Variants in ITGB2 observed in about 807,000 individuals in gnomAD.
ITGB2 encodes integrin beta-2.
A neutral mutation model predicts 86.8 loss-of-function variants in ITGB2; 56 were observed. That is an observed-to-expected ratio of 0.65 (90% CI 0.52 to 0.81). The LOEUF is 0.81. ITGB2 is among the 30% of genes least tolerant of loss of function. ITGB2 has a pLI of 0.00. For synonymous variants in ITGB2, 457 were observed against 450.4 expected (o/e 1.01, Z -0.19); for missense variants, 948 against 1,061.2 (o/e 0.89, Z 1.48).
At chr21:44,903,246 AT>A (rs2083991594) in intron 5 of ITGB2, 118 bp downstream of exon 5, 1 of 1,280,216 alleles carries the variant, frequency 7.8e-7, no homozygotes, top group African/African-American at 1.5e-5. Flanking sequence ...GGGGACCTGC[AT>A]CTGGGGCCCC....
intron 1 of ITGB2, among the ~76,000 whole-genome samples, chr21:44,916,809 A>G (rs1442292857): frequency 1.3e-5 from 2 of 150,350 alleles, no homozygotes; most frequent in Non-Finnish European, 3.0e-5. Context: ...CAGAGGGTGC[A>G]GTGAGCTGAG....
intron 1 of ITGB2, among the ~76,000 whole-genome samples, chr21:44,926,220 T>A (rs4050931): frequency 0.33 from 50,671 of 151,958 alleles, 9,878 homozygotes; most frequent in African/African-American, 0.54. Flanking sequence ...GTGACCTTGC[T>A]ATGGGGGGAC....
At chr21:44,886,679 G>T in intron 15 of ITGB2, 57 bp downstream of exon 15, 1 of 1,606,304 alleles carries the variant, frequency 6.2e-7, no homozygotes, top group Non-Finnish European at 8.5e-7. Context: ...GCAGGAGGTC[G>T]CATAGTGTGG....
chr21:44,892,120 A>T, intron 10 of ITGB2, 124 bp from the exon 11 acceptor site: 2 of 937,568 alleles, frequency 2.1e-6, no homozygotes, highest in Non-Finnish European at 3.3e-6. Context: ...GGAAGGGGTG[A>T]CCAGGAGCAG....
At chr21:44,920,398 G>T (rs150977713) in intron 1 of ITGB2, among the ~76,000 whole-genome samples, 1 of 152,178 alleles carries the variant, frequency 6.6e-6, no homozygotes, top group African/African-American at 2.4e-5. Context: ...GTAGCCAGGC[G>T]GGGCAGCATG....
At chr21:44,894,871 C>T in intron 9 of ITGB2, 100 bp downstream of exon 9, 1 of 893,938 alleles carries the variant, frequency 1.1e-6, no homozygotes, top group East Asian at 2.4e-5. Context: ...GGGCTTTCCT[C>T]CCAGACCACC....
intron 4 of ITGB2, 122 bp from the exon 5 acceptor site, chr21:44,903,657 A>C (rs1390686079): frequency 3.5e-6 from 4 of 1,131,606 alleles, no homozygotes; most frequent in Non-Finnish European, 5.2e-6. Context: ...AATCCTCCTG[A>C]CCTCCCCTCT....
chr21:44,896,483 C>T (rs185188946), intron 8 of ITGB2, among the ~76,000 whole-genome samples: 26 of 152,344 alleles, frequency 1.7e-4, no homozygotes, highest in African/African-American at 5.8e-4. Context: ...TCCAGGAACA[C>T]GGAGCAGATG....
rs1038588790 is a variant in ITGB2, at chr21:44,903,543, T to G, written c.329-8A>C. ...TGAACGCTGCTGCCTGGCCTGCCGG[T>G]GGGGACAGAACAAAAGGAGCCACAC... On this transcript the variant is annotated splice_region_variant and splice_polypyrimidine_tract_variant and intron_variant, in intron 4 of 15. Coordinates refer to ENST00000652462, the MANE Select transcript of ITGB2 (RefSeq NM_000211.5). 3.1e-6 allele frequency: 5 copies of G among 1,613,600 alleles called. No homozygotes were observed. The Admixed American group carries it at 5.0e-5, about 16-fold the overall frequency.
Position 44,918,012 on chromosome 21 carries a change from G to A in ITGB2, c.-4+2809C>T, listed in dbSNP as rs140887415. Among the ~76,000 whole-genome samples, 632 of 152,334 alleles carry A rather than the reference G, an allele frequency of 4.1e-3. 2 individuals carry two copies. The highest frequency in any genetic ancestry group is 0.014 in the African/African-American group (597 of 41,574). On this transcript the variant is annotated intron_variant, in intron 1 of 15. Coordinates refer to ENST00000652462, the MANE Select transcript of ITGB2 (RefSeq NM_000211.5). Reference sequence around the variant, plus strand: ...AATGCAACCACCTAATCAATGCCCCGTGTCAGTGCCAGTTTGTGCCAAGCA... The same window carrying A: ...AATGCAACCACCTAATCAATGCCCCATGTCAGTGCCAGTTTGTGCCAAGCA...
At chr21:44,902,344 T>C (rs972852672) in intron 5 of ITGB2, among the ~76,000 whole-genome samples, 2 of 150,302 alleles carry the variant, frequency 1.3e-5, no homozygotes, top group African/African-American at 2.5e-5. Flanking sequence ...CATGCATTCA[T>C]GTGTGTGAGC....
chr21:44,899,470 G>A (rs190163618), intron 7 of ITGB2, among the ~76,000 whole-genome samples: 16 of 152,342 alleles, frequency 1.1e-4, no homozygotes, highest in African/African-American at 3.6e-4. Flanking sequence ...ACCTGCTTTC[G>A]CACTGAGGGA....
At chr21:44,893,593 TG>T in intron 9 of ITGB2, 49 bp from the exon 10 acceptor site, 1 of 1,608,766 alleles carries the variant, frequency 6.2e-7, no homozygotes. Flanking sequence ...TCTGTTGTCC[TG>T]GCCCTGCCTG....
upstream of ITGB2, among the ~76,000 whole-genome samples, chr21:44,922,633 A>G (rs1386703139): frequency 1.4e-5 from 2 of 146,630 alleles, no homozygotes; most frequent in Non-Finnish European, 3.0e-5. Flanking sequence ...TGCTTACACC[A>G]CTGCACTCCA....
intron 1 of ITGB2, among the ~76,000 whole-genome samples, chr21:44,920,103 G>C (rs1008518891): frequency 1.3e-5 from 2 of 152,140 alleles, no homozygotes; most frequent in South Asian, 2.1e-4. Context: ...CCACGGAGGA[G>C]GCAGGGAAGC....
chr21:44,926,908 C>G (rs545321892), intron 1 of ITGB2: 1 of 152,404 alleles, frequency 6.6e-6, no homozygotes, highest in Admixed American at 6.5e-5. Flanking sequence ...AGCTCCAGAA[C>G]AGACCATCGA....
At chr21:44,896,207 G>A (rs1330474670) in intron 8 of ITGB2, among the ~76,000 whole-genome samples, 1 of 152,224 alleles carries the variant, frequency 6.6e-6, no homozygotes, top group East Asian at 1.9e-4. Flanking sequence ...CGTGCATGGT[G>A]GCCAGTGTTG....
intron 6 of ITGB2, 150 bp from the exon 7 acceptor site, chr21:44,900,625 T>C: frequency 1.1e-6 from 1 of 924,424 alleles, no homozygotes; most frequent in Non-Finnish European, 1.6e-6. Flanking sequence ...CCAGCTGTGT[T>C]CCCCCAGACG....
At chr21:44,890,634 G>A (rs540038361) in intron 11 of ITGB2, among the ~76,000 whole-genome samples, 6 of 152,324 alleles carry the variant, frequency 3.9e-5, no homozygotes, top group South Asian at 4.1e-4. Flanking sequence ...TCCTGCGTTC[G>A]TGCACTGACA....
Sources: gnomAD v4.1 joint callset for allele counts (sites outside exome capture counted in the v4.1 genomes callset) on GRCh38, gnomAD v4.1.1 for gene constraint, MANE v1.5 for transcripts, NCBI Gene and HGNC (gene_info 2026-07-23, HGNC 2026-07-21) for gene names.